RAPGEF1: variants seen among roughly 807,000 people sequenced by gnomAD.
RAPGEF1 encodes the protein Rap guanine nucleotide exchange factor 1.
RAPGEF1 carries 33 observed loss-of-function variants against 143.3 expected under a neutral mutation model. The observed-to-expected ratio is 0.23, with a 90% CI of 0.17 to 0.31. The LOEUF is 0.31. Among genes scored for constraint, RAPGEF1 ranks in the 10% least tolerant of loss-of-function variants. The pLI is 1.00. For synonymous variants in RAPGEF1, 629 were observed against 676.5 expected, an observed-to-expected ratio of 0.93 and a Z score of 1.09; for missense variants, 1,199 against 1,645.4, an observed-to-expected ratio of 0.73 and a Z score of 4.69.
At chr9:131,582,937 G>A (rs3765543) in intron 24 of RAPGEF1, among the ~76,000 whole-genome samples, 21,911 of 152,224 alleles carry the variant, frequency 0.14, 1,778 homozygotes, top group Middle Eastern at 0.3. Flanking sequence ...ACTTCAGGCC[G>A]TTTTGTGGAG....
intron 1 of RAPGEF1, among the ~76,000 whole-genome samples, chr9:131,676,066 A>G (rs57942459): frequency 0.03 from 4,636 of 152,244 alleles, 195 homozygotes; most frequent in African/African-American, 0.093. Context: ...AGTCTTAATC[A>G]TGACAATAAA....
chr9:131,730,084 C>T (rs541011482), intron 1 of RAPGEF1, among the ~76,000 whole-genome samples: 1 of 150,642 alleles, frequency 6.6e-6, no homozygotes, highest in Non-Finnish European at 1.5e-5. Flanking sequence ...GTCCCAGCTA[C>T]TCAGGAGGCT....
intron 1 of RAPGEF1, among the ~76,000 whole-genome samples, chr9:131,692,111 A>AAAG (rs1291287853): frequency 6.6e-6 from 1 of 152,216 alleles, no homozygotes; most frequent in African/African-American, 2.4e-5. Flanking sequence ...GAGTCCTTTA[A>AAAG]AAGTCCAATC....
At chr9:131,676,309 T>C (rs912696636) in intron 1 of RAPGEF1, among the ~76,000 whole-genome samples, 2 of 152,140 alleles carry the variant, frequency 1.3e-5, no homozygotes, top group Non-Finnish European at 2.9e-5. Flanking sequence ...GTCCCTCAAG[T>C]GTGCTCCCCT....
intron 1 of RAPGEF1, among the ~76,000 whole-genome samples, chr9:131,653,470 C>T (rs774651885): frequency 1.3e-5 from 2 of 152,148 alleles, no homozygotes; most frequent in Non-Finnish European, 2.9e-5. Context: ...GAATAAAAGG[C>T]ATGTAACCCA....
intron 19 of RAPGEF1, among the ~76,000 whole-genome samples, chr9:131,589,197 C>T (rs1953743627): frequency 6.6e-6 from 1 of 152,240 alleles, no homozygotes; most frequent in African/African-American, 2.4e-5. Flanking sequence ...CTGCCACACA[C>T]TCAACAGCCA....
Position 131,603,985 on chromosome 9 carries a change from G to A in RAPGEF1, c.2388C>T (p.Ser796=), listed in dbSNP as rs1956699961. 1 of 1,333,726 alleles carries A rather than the reference G, an allele frequency of 7.5e-7. No homozygotes were observed. The highest frequency in any genetic ancestry group is 1.0e-6 in the Non-Finnish European group (1 of 1,003,702). 82.6% of individuals were successfully genotyped at this position (1,333,726 alleles called of 1,614,324 possible). ...YVNLYSSGQS[S]EELAPSRGEP... is the part of the protein sequence containing the mutation. Reference sequence around the variant, plus strand: ...CTCCTCGAGAGGGAGCCAGCTCCTCGCTGCTCTGGCCAGAGGAATACAGAT... The same window carrying A: ...CTCCTCGAGAGGGAGCCAGCTCCTCACTGCTCTGGCCAGAGGAATACAGAT... Residue 796 remains serine, a synonymous_variant, in exon 14 of 27, where the codon AGC becomes AGT. Transcript: ENST00000683357.
intron 3 of RAPGEF1, among the ~76,000 whole-genome samples, chr9:131,648,347 C>G (rs1032153167): frequency 6.6e-6 from 1 of 152,166 alleles, no homozygotes; most frequent in Non-Finnish European, 1.5e-5. Flanking sequence ...GCTGAGATTG[C>G]TCCACTGCAC....
chr9:131,721,026 G>A (rs1248278180), intron 1 of RAPGEF1, among the ~76,000 whole-genome samples: 1 of 152,004 alleles, frequency 6.6e-6, no homozygotes, highest in African/African-American at 2.4e-5. Flanking sequence ...GATGCTTCTA[G>A]GAGTGACTGG....
rs1972275402 is a variant in RAPGEF1, at chr9:131,655,713, A to C, written c.62-4764T>G. On this transcript the variant is annotated intron_variant, in intron 1 of 26. Transcript: ENST00000683357. The surrounding 1 kb of genome is among the most constrained non-coding windows in gnomAD (Gnocchi z 4.1). ...AGAGCATGCAGTGCAAGATTGCACC[A>C]CTGCACTCCAGCCTGGGCGACTGCC... 6.6e-6 allele frequency among the ~76,000 whole-genome samples: 1 copy of C among 152,196 alleles called. No individual in the cohort carries two copies. The highest frequency in any genetic ancestry group is 2.1e-4 in the South Asian group (1 of 4,820).
At chr9:131,580,698 G>A (rs1434642839) in intron 25 of RAPGEF1, among the ~76,000 whole-genome samples, 3 of 151,694 alleles carry the variant, frequency 2.0e-5, no homozygotes, top group African/African-American at 7.3e-5. Context: ...ATTAACAAAT[G>A]AGCAGTAAAA....
In RAPGEF1 at chr9:131,588,921, T is replaced by A; in HGVS notation, c.2933A>T (p.Asn978Ile). 6.2e-7 allele frequency: 1 copy of A among 1,613,858 alleles called. No homozygotes were observed. Among genetic ancestry groups the A allele is most frequent in the Non-Finnish European group, 8.5e-7 (1 of 1,179,846 alleles). ...LMELVFRLVC[N>I]GELSLARVLR... ...CACACGGGCCAGGCTCAGCTCCCCA[T>A]TGCACACCAGGCGGAAGACCAGTTC... Residue 978 changes from asparagine (N) to isoleucine (I), a missense_variant, in exon 20 of 27, where the codon AAT (asparagine) becomes ATT (isoleucine). This residue lies in a region of RAPGEF1 where 209 missense variants were observed against 403.0 expected (regional missense o/e 0.52). Transcript: ENST00000683357.
intron 10 of RAPGEF1, 57 bp downstream of exon 10, chr9:131,625,865 T>C: frequency 1.3e-6 from 2 of 1,499,686 alleles, no homozygotes; most frequent in Non-Finnish European, 1.8e-6. Context: ...AAATAAAACA[T>C]ACTGCCATTT....
Position 131,629,230 on chromosome 9 carries a change from G to A in RAPGEF1, c.765C>T (p.Asp255=), listed in dbSNP as rs757409551. 9 of 1,613,936 alleles carry A rather than the reference G, an allele frequency of 5.6e-6. No homozygotes were observed. The highest frequency in any genetic ancestry group is 5.1e-6 in the Non-Finnish European group (6 of 1,179,834). Residue 255 remains aspartate (D), a synonymous_variant, in exon 7 of 27, where the codon GAC becomes GAT. Transcript: ENST00000683357. ...TCTTGTTTAGGATCTCTACCTCGCG[G>A]TCTGTCAGGGGGAGCTCTGCTGGGC... The part of the protein sequence containing the change: ...PDGPAELPLT[D]REVEILNKTT...
intron 1 of RAPGEF1, chr9:131,737,306 C>T: frequency 6.3e-7 from 1 of 1,583,578 alleles, no homozygotes; most frequent in Admixed American, 1.7e-5. Context: ...TCCCTGTCTC[C>T]ACCAGGTATA....
chr9:131,596,177 G>T, intron 17 of RAPGEF1, 121 bp downstream of exon 17: 1 of 868,110 alleles, frequency 1.2e-6, no homozygotes, highest in Non-Finnish European at 1.9e-6. Flanking sequence ...AGGCGCACCA[G>T]GACTGCTGAT....
At chr9:131,730,651 C>T (rs1243150934) in intron 1 of RAPGEF1, among the ~76,000 whole-genome samples, 1 of 143,490 alleles carries the variant, frequency 7.0e-6, no homozygotes, top group African/African-American at 2.6e-5. Flanking sequence ...GCCGAGATCA[C>T]CCCATTGCAC....
intron 12 of RAPGEF1, among the ~76,000 whole-genome samples, chr9:131,605,766 T>TC (rs201633891): frequency 6.9e-6 from 1 of 145,358 alleles, no homozygotes. Context: ...TTTCTTTCTT[T>TC]TTTTTTTTTT....
chr9:131,713,032 G>A (rs758258896), intron 1 of RAPGEF1, among the ~76,000 whole-genome samples: 4 of 152,056 alleles, frequency 2.6e-5, no homozygotes, highest in Non-Finnish European at 4.4e-5. Context: ...ATCCAAGATG[G>A]GCAAGCGACC....
Sources: allele counts gnomAD v4.1 joint callset (sites outside exome capture counted in the v4.1 genomes callset), GRCh38; gene constraint gnomAD v4.1.1; regional missense constraint gnomAD v4.1.1; non-coding constraint Gnocchi (gnomAD v3.1); transcripts MANE v1.5; gene names NCBI Gene and HGNC (gene_info 2026-07-23, HGNC 2026-07-21).